LRRN2: variants seen among roughly 807,000 people sequenced by gnomAD.
LRRN2 encodes leucine rich repeat neuronal 2.
A neutral mutation model predicts 35.7 loss-of-function variants in LRRN2; 10 were observed. That is an observed-to-expected ratio of 0.28 (90% CI 0.17 to 0.47). LRRN2 has a LOEUF of 0.47. LRRN2 is among the 20% of genes least tolerant of loss of function. The pLI is 0.99. For missense variants in LRRN2, 731 were observed against 940.3 expected (o/e 0.78, Z 2.91); for synonymous variants, 391 against 409.6 (o/e 0.95, Z 0.55).
At chr1:204,624,749 CCCCCCA>C (rs767142892) in intron 1 of LRRN2, among the ~76,000 whole-genome samples, 10,630 of 76,372 alleles carry the variant, frequency 0.14, 1,247 homozygotes, top group East Asian at 0.23. Flanking sequence ...TGGCGGTTCC[CCCCCCA>C]CCCCCCCCCC....
chr1:204,630,933 T>C (rs1166172094), intron 1 of LRRN2, among the ~76,000 whole-genome samples: 1 of 152,034 alleles, frequency 6.6e-6, no homozygotes, highest in Non-Finnish European at 1.5e-5. Flanking sequence ...TGGTGTCTTC[T>C]TCCTTCTCTA....
chr1:204,622,549 C>T (rs1397269706), intron 1 of LRRN2, among the ~76,000 whole-genome samples: 1 of 152,142 alleles, frequency 6.6e-6, no homozygotes, highest in African/African-American at 2.4e-5. Context: ...CACATGTGTA[C>T]ACATGCATGC....
chr1:204,672,030 C>T lies in LRRN2; in HGVS notation c.-227+13290G>A, dbSNP rs890538512. ...GAAAGGGAGAAGGTCTATGGGCACACGCCAAAGGCTTCCCTGAATGAAGAG... is the reference window on the plus strand; with the variant it reads ...GAAAGGGAGAAGGTCTATGGGCACATGCCAAAGGCTTCCCTGAATGAAGAG... On this transcript the variant is annotated intron_variant, in intron 1 of 1. Transcript: ENST00000367177. Among the ~76,000 whole-genome samples, 6 of 152,174 alleles carry T rather than the reference C, an allele frequency of 3.9e-5. 1 individual carries two copies. The highest frequency in any genetic ancestry group is 3.8e-4 in the East Asian group (2 of 5,204).
intron 1 of LRRN2, among the ~76,000 whole-genome samples, chr1:204,641,454 CCA>C (rs1376759690): frequency 1.3e-5 from 2 of 152,174 alleles, no homozygotes; most frequent in Admixed American, 1.3e-4. Context: ...CTCACTGACC[CCA>C]GTTTCTTTTC....
intron 1 of LRRN2, among the ~76,000 whole-genome samples, chr1:204,652,462 C>T (rs935867760): frequency 5.3e-5 from 8 of 151,868 alleles, no homozygotes; most frequent in Non-Finnish European, 8.8e-5. Flanking sequence ...GGCTCCTTGT[C>T]TCATTATCTG....
intron 1 of LRRN2, among the ~76,000 whole-genome samples, chr1:204,635,100 T>C (rs919337436): frequency 6.6e-6 from 1 of 152,170 alleles, no homozygotes; most frequent in Non-Finnish European, 1.5e-5. Context: ...CACAGGACCA[T>C]TCTAAAGATC....
rs751880688 is a variant in LRRN2 at position 204,618,229 on chromosome 1, A to G, written c.1764T>C (p.Leu588=). 5 of 1,613,824 alleles carry G rather than the reference A, an allele frequency of 3.1e-6. No individual in the cohort carries two copies. The Admixed American group carries it at 8.3e-5, about 27-fold the overall frequency. ...GTHSYNITRL[L]QATEYWACLQ... is the part of the protein sequence containing the mutation. ...GGCAGGCCCAGTACTCCGTGGCCTG[A>G]AGGAGGCGGGTAATGTTGTAGCTGT... The change falls in exon 2 of 2, where the codon CTT becomes CTC. Residue 588 remains leucine (L), a synonymous_variant. Coordinates refer to ENST00000367177, the MANE Select transcript of LRRN2 (RefSeq NM_201630.2).
chr1:204,656,597 T>G (rs1372882861), intron 1 of LRRN2, among the ~76,000 whole-genome samples: 4 of 152,236 alleles, frequency 2.6e-5, no homozygotes, highest in African/African-American at 9.6e-5. Context: ...CGAACATTTT[T>G]GCAAATGTTT....
At chr1:204,637,700 G>T (rs1326708513) in intron 1 of LRRN2, among the ~76,000 whole-genome samples, 1 of 123,204 alleles carries the variant, frequency 8.1e-6, no homozygotes, top group Non-Finnish European at 1.8e-5. Context: ...GTGTTTGGGG[G>T]CAGTCGCTGA....
In LRRN2 at chr1:204,617,472, A is replaced by T; in HGVS notation, c.*379T>A. 5.0e-6 allele frequency: 1 copy of T among 201,960 alleles called. No homozygotes were observed. The highest frequency in any genetic ancestry group is 8.9e-5 in the South Asian group (1 of 11,208). 12.5% of individuals were successfully genotyped at this position (201,960 alleles called of 1,614,324 possible). On this transcript the variant is annotated 3_prime_UTR_variant, in exon 2 of 2. Transcript: ENST00000367177. Reference sequence around the variant, plus strand: ...CCCTTGCCCAGGAGGCACAAGAGCAAGCAACTGAGACTGTACAGAGAAAGA... The same window carrying T: ...CCCTTGCCCAGGAGGCACAAGAGCATGCAACTGAGACTGTACAGAGAAAGA...
chr1:204,654,629 C>T (rs1668308364), intron 1 of LRRN2, among the ~76,000 whole-genome samples: 1 of 152,220 alleles, frequency 6.6e-6, no homozygotes, highest in Non-Finnish European at 1.5e-5. Context: ...CTACTTCCAT[C>T]CTTCCCTGGA....
chr1:204,637,392 A>G (rs895844620), intron 1 of LRRN2, among the ~76,000 whole-genome samples: 9 of 152,192 alleles, frequency 5.9e-5, no homozygotes, highest in African/African-American at 2.2e-4. Context: ...TGTACAGTGC[A>G]CCAGGGGAGA....
At position 204,618,761 on chromosome 1, in the gene LRRN2, A is replaced by G. The variant is rs1448826586; in HGVS notation, c.1232T>C (p.Val411Ala). 1 of 1,612,844 alleles carries G rather than the reference A, an allele frequency of 6.2e-7. No homozygotes were observed. The highest frequency in any genetic ancestry group is 1.7e-5 in the Admixed American group (1 of 59,956). The change falls in exon 2 of 2, where the codon GTG becomes GCG. Residue 411 changes from valine (V) to alanine (A), a missense_variant. Physicochemically the swap from Val to Ala is moderately conservative, Grantham distance 64. Around this residue, in one of 3 missense-constraint regions of LRRN2, gnomAD observed 256 missense variants for 392.4 expected, o/e 0.65. Transcript: ENST00000367177. Reference protein sequence around the residue: ...PDLQRLPVREVPFREMTDHCL... With the variant: ...PDLQRLPVREAPFREMTDHCL... ...GTGGTCCGTCATCTCCCGGAAGGGC[A>G]CCTCACGGACCGGGAGGCGCTGGAG...
intron 1 of LRRN2, among the ~76,000 whole-genome samples, chr1:204,650,613 C>T (rs1180276349): frequency 6.6e-6 from 1 of 152,168 alleles, no homozygotes; most frequent in Non-Finnish European, 1.5e-5. Context: ...GCCACCTGCT[C>T]TGCGGAGGGG....
In LRRN2 at chr1:204,620,208, C is replaced by G; in HGVS notation, c.-216G>C. The G allele has an allele frequency of 6.9e-7, 1 of 1,440,542 alleles. No individual in the cohort carries two copies. The allele number at this position is 1,440,542 out of a possible 1,614,324, so 89.2% of individuals were successfully genotyped here. A position where few individuals can be genotyped will look rare whatever the true frequency, so the allele number is the denominator to read the frequency against. Reference sequence around the variant, plus strand: ...CTGCTCAGTCATTGCCAGGCCCCATCAGGGGCAGCCCTGGAAGAAGAGGAT... The same window carrying G: ...CTGCTCAGTCATTGCCAGGCCCCATGAGGGGCAGCCCTGGAAGAAGAGGAT... On this transcript the variant is annotated 5_prime_UTR_variant, in exon 2 of 2. Coordinates refer to ENST00000367177, the MANE Select transcript of LRRN2 (RefSeq NM_201630.2).
intron 1 of LRRN2, among the ~76,000 whole-genome samples, chr1:204,661,521 C>A (rs1245310693): frequency 2.0e-5 from 3 of 152,150 alleles, no homozygotes; most frequent in African/African-American, 7.2e-5. Context: ...AGATTTCTGG[C>A]CAGCCTGGAA....
Position 204,618,103 on chromosome 1 carries a change from C to T in LRRN2, c.1890G>A (p.Gly630=). The T allele has an allele frequency of 6.2e-7, 1 of 1,614,074 alleles. No homozygotes were observed. The highest frequency in any genetic ancestry group is 8.5e-7 in the Non-Finnish European group (1 of 1,179,960). Residue 630 remains glycine, a synonymous_variant, in exon 2 of 2, where the codon GGG becomes GGA. Transcript: ENST00000367177. ...SCHRALGDRP[G]LIAILALAVL... is the part of the protein sequence containing the mutation. The stretch of plus-strand genomic sequence containing the variant: ...CAGCGAGAGCCAGGATGGCAATGAG[C>T]CCAGGACGGTCCCCTAAGGCTCTGT...
chr1:204,685,650 C>T lies in LRRN2; in HGVS notation c.-557G>A, dbSNP rs1373444097. ...TTCGCAGGTGCCCGGAGCAGGCCCT[C>T]GCGGCGCCCGGCACCCCCTCCACGC... On this transcript the variant is annotated 5_prime_UTR_variant, in exon 1 of 2. Coordinates refer to ENST00000367177, the MANE Select transcript of LRRN2 (RefSeq NM_201630.2). 6.6e-6 allele frequency: 1 copy of T among 152,044 alleles called. No homozygotes were observed. Among genetic ancestry groups the T allele is most frequent in the East Asian group, 1.9e-4 (1 of 5,150 alleles). 9.4% of individuals were successfully genotyped at this position (152,044 alleles called of 1,614,324 possible).
intron 1 of LRRN2, among the ~76,000 whole-genome samples, chr1:204,623,265 G>A (rs1340883834): frequency 1.3e-5 from 2 of 152,154 alleles, no homozygotes; most frequent in South Asian, 2.1e-4. Flanking sequence ...GGTTCTAAGC[G>A]CTGAGTCCGT....
Sources: gnomAD v4.1 joint callset for allele counts (sites outside exome capture counted in the v4.1 genomes callset) on GRCh38, gnomAD v4.1.1 for gene constraint, gnomAD v4.1.1 regional missense constraint, MANE v1.5 for transcripts, NCBI Gene and HGNC (gene_info 2026-07-23, HGNC 2026-07-21) for gene names.